The following NUSAP1 variants were observed in gnomAD, a reference collection of about 807,000 sequenced individuals.
NUSAP1 encodes nucleolar and spindle associated protein 1, also known as nucleolar and spindle-associated protein 1.
A neutral mutation model predicts 52.8 loss-of-function variants in NUSAP1; 32 were observed. That is an observed-to-expected ratio of 0.61 (90% CI 0.46 to 0.81). NUSAP1 has a LOEUF of 0.81. Among genes scored for constraint, NUSAP1 ranks in the 40% least tolerant of loss-of-function variants. NUSAP1 has a pLI of 0.00. For missense variants in NUSAP1, 499 were observed against 522.3 expected, an observed-to-expected ratio of 0.96 and a Z score of 0.43; for synonymous variants, 195 against 183.1, an observed-to-expected ratio of 1.06 and a Z score of -0.52.
At chr15:41,349,376 C>A in intron 3 of NUSAP1, 135 bp downstream of exon 3, 1 of 860,062 alleles carries the variant, frequency 1.2e-6, no homozygotes, top group Non-Finnish European at 1.8e-6. Flanking sequence ...TCCATGAAAG[C>A]CCAGACCCAA....
intron 1 of NUSAP1, among the ~76,000 whole-genome samples, chr15:41,340,725 A>T (rs933502145): frequency 2.6e-5 from 4 of 152,172 alleles, no homozygotes; most frequent in African/African-American, 9.6e-5. Context: ...CCTGCCAATC[A>T]TCCCCTTCCC....
At chr15:41,377,620 AC>A (rs2050004447) in intron 10 of NUSAP1, among the ~76,000 whole-genome samples, 1 of 149,414 alleles carries the variant, frequency 6.7e-6, no homozygotes, top group South Asian at 2.1e-4. Context: ...AATGGCGTGA[AC>A]CCAGGAGGCA....
chr15:41,338,107 G>C (rs1160303759), intron 1 of NUSAP1, among the ~76,000 whole-genome samples: 2 of 151,234 alleles, frequency 1.3e-5, no homozygotes, highest in African/African-American at 4.9e-5. Context: ...TAATTTTTTT[G>C]TATTTTTAGT....
chr15:41,370,074 A>G (rs2049603130), intron 7 of NUSAP1, among the ~76,000 whole-genome samples: 2 of 150,878 alleles, frequency 1.3e-5, no homozygotes, highest in South Asian at 4.2e-4. Flanking sequence ...ATCTCCAAAA[A>G]AAGAAGAAAG....
Position 41,356,076 on chromosome 15 carries a change from ATC to A in NUSAP1, c.492_493del (p.Tyr165HisfsTer3), listed in dbSNP as rs771881188. On this transcript the variant is annotated frameshift_variant, in exon 5 of 11. Transcript: ENST00000559596. LOFTEE classifies it high-confidence loss of function. ...DSKVPSEGKKSLYTDESSKPG... is the reference protein window; with the variant it reads ...DSKVPSEGKKXLYTDESSKPG... ...CAAAGGTACCTTCAGAAGGAAAGAA[ATC>A]TCTCTACACAGATGAGTCATCCAAA... 6 of 1,608,244 alleles carry A rather than the reference ATC, an allele frequency of 3.7e-6. No individual in the cohort carries two copies. The highest frequency in any genetic ancestry group is 2.2e-5 in the East Asian group (1 of 44,846).
intron 10 of NUSAP1, among the ~76,000 whole-genome samples, chr15:41,378,678 C>T (rs1248432161): frequency 6.6e-6 from 1 of 151,882 alleles, no homozygotes; most frequent in Non-Finnish European, 1.5e-5. Flanking sequence ...GCTGAGGCAG[C>T]AGAATCACTT....
chr15:41,363,373 T>C (rs1298278518), intron 6 of NUSAP1, among the ~76,000 whole-genome samples: 3 of 149,620 alleles, frequency 2.0e-5, no homozygotes, highest in African/African-American at 7.4e-5. Context: ...TAAAATTATA[T>C]ACATATATAT....
chr15:41,379,436 A>G (rs1048183290), intron 10 of NUSAP1, among the ~76,000 whole-genome samples: 4 of 152,076 alleles, frequency 2.6e-5, no homozygotes, highest in Non-Finnish European at 5.9e-5. Context: ...TGCTGGGATT[A>G]TAGGTGTGAG....
At chr15:41,333,306 G>C (rs1010699653) in intron 1 of NUSAP1, among the ~76,000 whole-genome samples, 1 of 152,112 alleles carries the variant, frequency 6.6e-6, no homozygotes, top group African/African-American at 2.4e-5. Flanking sequence ...ATGGTTTATT[G>C]TTTTTTGTTT....
At chr15:41,338,270 G>C (rs1485708749) in intron 1 of NUSAP1, among the ~76,000 whole-genome samples, 1 of 151,964 alleles carries the variant, frequency 6.6e-6, no homozygotes, top group East Asian at 1.9e-4. Flanking sequence ...AAAAGCTAAT[G>C]CCTCCCAAAC....
chr15:41,354,670 G>GATATATATATATAT (rs10541882), intron 4 of NUSAP1, among the ~76,000 whole-genome samples: 44 of 146,086 alleles, frequency 3.0e-4, no homozygotes, highest in African/African-American at 1.0e-3. Flanking sequence ...TGTTTTAACC[G>GATATATATATATAT]ATATATATAT....
At chr15:41,341,494 TA>T (rs1446185609) in intron 1 of NUSAP1, among the ~76,000 whole-genome samples, 1 of 152,142 alleles carries the variant, frequency 6.6e-6, no homozygotes, top group Non-Finnish European at 1.5e-5. Flanking sequence ...GGCAGAGACC[TA>T]CAACCATCCC....
Position 41,380,480 on chromosome 15 carries a change from C to T in NUSAP1, c.*294C>T, listed in dbSNP as rs966290715. 1.7e-5 allele frequency: 4 copies of T among 230,006 alleles called. No homozygotes were observed. The Admixed American group carries it at 2.2e-4, about 13-fold the overall frequency. The allele number at this position is 230,006 out of a possible 1,614,324, so 14.2% of individuals were successfully genotyped here. On this transcript the variant is annotated 3_prime_UTR_variant, in exon 11 of 11. Coordinates refer to ENST00000559596, the MANE Select transcript of NUSAP1 (RefSeq NM_016359.5). ...ATTTTTAATGTCAAGTTCCCAAGTT[C>T]CCCCTGCTGGTTCTAATATTAACAG...
intron 1 of NUSAP1, among the ~76,000 whole-genome samples, chr15:41,337,539 T>A (rs1346712123): frequency 1.3e-5 from 2 of 152,154 alleles, no homozygotes; most frequent in Non-Finnish European, 2.9e-5. Context: ...ACCCATCTTT[T>A]AAAAAAATAA....
At chr15:41,377,387 T>C in intron 10 of NUSAP1, 83 bp downstream of exon 10, 1 of 724,348 alleles carries the variant, frequency 1.4e-6, no homozygotes, top group Non-Finnish European at 2.2e-6. Flanking sequence ...GTAATAGTGG[T>C]GTTTTAAGAG....
At chr15:41,358,725 C>A (rs139486361) in intron 6 of NUSAP1, among the ~76,000 whole-genome samples, 31 of 152,170 alleles carry the variant, frequency 2.0e-4, no homozygotes, top group African/African-American at 7.2e-4. Context: ...CAGAGTGAGA[C>A]TCCGTCTCAA....
intron 6 of NUSAP1, among the ~76,000 whole-genome samples, chr15:41,361,405 A>G (rs2049173785): frequency 6.6e-6 from 1 of 151,158 alleles, no homozygotes; most frequent in Non-Finnish European, 1.5e-5. Context: ...AAAAAAAAAT[A>G]ATAATAATTT....
At chr15:41,364,695 C>T (rs1317855997) in intron 6 of NUSAP1, among the ~76,000 whole-genome samples, 1 of 152,094 alleles carries the variant, frequency 6.6e-6, no homozygotes, top group Non-Finnish European at 1.5e-5. Flanking sequence ...TGGCAACATC[C>T]TGTCTCTACT....
chr15:41,333,141 C>G, intron 1 of NUSAP1, 91 bp downstream of exon 1: 1 of 951,292 alleles, frequency 1.1e-6, no homozygotes. Flanking sequence ...GAGGGAAGCC[C>G]GGGACTGAGG....
Sources: allele counts gnomAD v4.1 joint callset (sites outside exome capture counted in the v4.1 genomes callset), GRCh38; gene constraint gnomAD v4.1.1; transcripts MANE v1.5; gene names NCBI Gene and HGNC (gene_info 2026-07-23, HGNC 2026-07-21).